GAREM1: variants seen among roughly 807,000 people sequenced by gnomAD.
GAREM1 encodes GRB2-associated and regulator of MAPK protein 1.
Under a neutral mutation model 71.3 loss-of-function variants are expected in GAREM1, and 26 were observed. The observed-to-expected ratio is 0.36, with a 90% confidence interval of 0.27 to 0.51. GAREM1 has a LOEUF of 0.51. GAREM1 is among the 20% of genes least tolerant of loss of function. The pLI, the probability that GAREM1 is intolerant of heterozygous loss-of-function variation, is 0.95. For synonymous variants in GAREM1, 440 were observed against 433.2 expected (o/e 1.02, Z -0.20); for missense variants, 1,026 against 1,103.1 (o/e 0.93, Z 0.99).
chr18:32,364,022 A>ATGGTTTTT (rs1236005063), intron 2 of GAREM1, among the ~76,000 whole-genome samples: 1 of 52,104 alleles, frequency 1.9e-5, no homozygotes, highest in Admixed American at 1.9e-4. Flanking sequence ...ATATATATAT[A>ATGGTTTTT]TATATGTTTT....
intron 2 of GAREM1, among the ~76,000 whole-genome samples, chr18:32,364,008 ATATATATATATATATATATG>A (rs1567980582): frequency 2.5e-4 from 11 of 43,890 alleles, no homozygotes; most frequent in African/African-American, 1.6e-3. Context: ...ATATATATAT[ATATATATATATATATATATG>A]TTTTTTTTTT....
chr18:32,329,703 TAAAAAAAAA>T (rs756082703), intron 2 of GAREM1, among the ~76,000 whole-genome samples: 3 of 78,154 alleles, frequency 3.8e-5, no homozygotes, highest in Admixed American at 1.5e-4. Context: ...GAGACTCCAT[TAAAAAAAAA>T]AAAAAAAAAA....
intron 4 of GAREM1, among the ~76,000 whole-genome samples, chr18:32,273,786 G>T (rs2041499939): frequency 6.6e-6 from 1 of 152,156 alleles, no homozygotes; most frequent in Non-Finnish European, 1.5e-5. Flanking sequence ...GAGATGGGAA[G>T]TTGTCAGTGA....
At chr18:32,277,632 A>G (rs1328979772) in intron 4 of GAREM1, among the ~76,000 whole-genome samples, 3 of 152,362 alleles carry the variant, frequency 2.0e-5, no homozygotes, top group African/African-American at 7.2e-5. Context: ...CTTTACTTTC[A>G]GAATACTGCC....
intron 1 of GAREM1, among the ~76,000 whole-genome samples, chr18:32,441,017 T>C (rs927245173): frequency 2.0e-5 from 3 of 152,190 alleles, no homozygotes; most frequent in Non-Finnish European, 2.9e-5. Context: ...TTCTTAGCTG[T>C]ATATTTAAAA....
intron 2 of GAREM1, among the ~76,000 whole-genome samples, chr18:32,340,935 T>C (rs2047641463): frequency 6.6e-6 from 1 of 152,112 alleles, no homozygotes; most frequent in Admixed American, 6.5e-5. Context: ...TCTCTGTGCT[T>C]AAATATATAA....
intron 1 of GAREM1, among the ~76,000 whole-genome samples, chr18:32,448,770 C>T (rs1297719314): frequency 6.6e-6 from 1 of 152,190 alleles, no homozygotes; most frequent in Non-Finnish European, 1.5e-5. Flanking sequence ...TGTTATATGT[C>T]ACCTTCCACC....
intron 1 of GAREM1, among the ~76,000 whole-genome samples, chr18:32,438,337 C>T (rs544919477): frequency 1.3e-5 from 2 of 152,224 alleles, no homozygotes; most frequent in Non-Finnish European, 2.9e-5. Flanking sequence ...TTTCACAGGT[C>T]GTGCTAAGCC....
At chr18:32,443,565 A>G (rs1392153638) in intron 1 of GAREM1, among the ~76,000 whole-genome samples, 1 of 152,162 alleles carries the variant, frequency 6.6e-6, no homozygotes, top group Non-Finnish European at 1.5e-5. Flanking sequence ...AGGGACATAT[A>G]AATCAAAACC....
chr18:32,265,787 A>C lies in GAREM1; in HGVS notation c.*2084T>G, dbSNP rs2041365307. 1 of 152,198 alleles carries C rather than the reference A, an allele frequency of 6.6e-6. No individual in the cohort carries two copies. Among genetic ancestry groups the C allele is most frequent in the Admixed American group, 6.5e-5 (1 of 15,282 alleles). 9.4% of individuals were successfully genotyped at this position (152,198 alleles called of 1,614,324 possible). On this transcript the variant is annotated 3_prime_UTR_variant, in exon 6 of 6. Coordinates refer to ENST00000269209, the MANE Select transcript of GAREM1 (RefSeq NM_001242409.2). Reference sequence around the variant, plus strand: ...AAACCAACCCTGTTCCTTCTTCCTGAGTTTGAGAATTGTGTCCGAGTGCTA... The same window carrying C: ...AAACCAACCCTGTTCCTTCTTCCTGCGTTTGAGAATTGTGTCCGAGTGCTA...
intron 3 of GAREM1, among the ~76,000 whole-genome samples, chr18:32,292,835 T>C (rs533885327): frequency 2.0e-5 from 3 of 152,324 alleles, no homozygotes; most frequent in African/African-American, 4.8e-5. Context: ...ACTTTGACCA[T>C]ATAATGCCAG....
intron 2 of GAREM1, among the ~76,000 whole-genome samples, chr18:32,347,331 T>C (rs1457890873): frequency 6.6e-6 from 1 of 151,962 alleles, no homozygotes; most frequent in East Asian, 1.9e-4. Context: ...AGACCGTGTC[T>C]CAAAATAATA....
At chr18:32,407,983 T>A (rs8091954) in intron 1 of GAREM1, among the ~76,000 whole-genome samples, 42,123 of 150,332 alleles carry the variant, frequency 0.28, 6,552 homozygotes, top group African/African-American at 0.43. Context: ...CTTTTTTTTT[T>A]AAAAAAAAAC....
At chr18:32,408,711 T>C (rs2048388248) in intron 1 of GAREM1, among the ~76,000 whole-genome samples, 1 of 152,170 alleles carries the variant, frequency 6.6e-6, no homozygotes. Flanking sequence ...ACAGAAATTC[T>C]AGTGCAACCC....
chr18:32,297,013 C>A (rs2047147819), intron 3 of GAREM1, among the ~76,000 whole-genome samples: 1 of 152,182 alleles, frequency 6.6e-6, no homozygotes, highest in African/African-American at 2.4e-5. Flanking sequence ...ACCTGGCCCA[C>A]CACTTGGTTC....
intron 2 of GAREM1, among the ~76,000 whole-genome samples, chr18:32,321,989 G>C (rs1335220487): frequency 1.3e-5 from 2 of 152,228 alleles, no homozygotes; most frequent in Admixed American, 6.5e-5. Flanking sequence ...CCTGGGGATA[G>C]TATCAGAGAT....
At chr18:32,447,294 A>G (rs1239098793) in intron 1 of GAREM1, among the ~76,000 whole-genome samples, 1 of 152,166 alleles carries the variant, frequency 6.6e-6, no homozygotes, top group Non-Finnish European at 1.5e-5. Flanking sequence ...TAATATATAT[A>G]CCTTTAAATA....
intron 4 of GAREM1, among the ~76,000 whole-genome samples, chr18:32,285,059 C>T (rs934017568): frequency 6.6e-6 from 1 of 152,000 alleles, no homozygotes; most frequent in Non-Finnish European, 1.5e-5. Context: ...CGCCCCCTTA[C>T]TTTTTACCCG....
In GAREM1 at chr18:32,398,410, C is replaced by A. The variant is rs112197645; in HGVS notation, c.122-5375G>T. Among the ~76,000 whole-genome samples the A allele has an allele frequency of 1.7e-3, 256 of 151,894 alleles. 2 individuals are homozygous for A. The highest frequency in any genetic ancestry group is 5.2e-3 in the African/African-American group (215 of 41,448). ...TTTTGGAAAGATCAACAAAATTGAT[C>A]GACCACTAGCAAGACTAATAAAGAA... On this transcript the variant is annotated intron_variant, in intron 1 of 5. Transcript: ENST00000269209.
Sources: gnomAD v4.1 joint callset for allele counts (sites outside exome capture counted in the v4.1 genomes callset) on GRCh38, gnomAD v4.1.1 for gene constraint, MANE v1.5 for transcripts, NCBI Gene and HGNC (gene_info 2026-07-23, HGNC 2026-07-21) for gene names.